Variants in LCOR observed in about 807,000 individuals in gnomAD.
LCOR encodes the protein ligand dependent nuclear receptor corepressor.
Under a neutral mutation model 64.4 loss-of-function variants are expected in LCOR, and 14 were observed. The observed-to-expected ratio is 0.22, with a 90% CI of 0.14 to 0.34. The LOEUF is 0.34. Ranked by LOEUF, LCOR falls within the 10% of genes least tolerant of loss-of-function variation. The pLI is 1.00. For synonymous variants in LCOR, 643 were observed against 642.5 expected (o/e 1.00, Z -0.01); for missense variants, 1,686 against 1,765.3 (o/e 0.96, Z 0.80).
chr10:96,981,242 G>C lies in LCOR; in HGVS notation c.782G>C (p.Ser261Thr). The C allele has an allele frequency of 1.1e-6, 1 of 908,472 alleles. No individual in the cohort carries two copies. The highest frequency in any genetic ancestry group is 1.9e-5 in the Admixed American group (1 of 51,420). 56.3% of individuals were successfully genotyped at this position (908,472 alleles called of 1,614,324 possible). A position where few individuals can be genotyped will look rare whatever the true frequency, so the allele number is the denominator to read the frequency against. Reference sequence around the variant, plus strand: ...ACTAAATCGAATTCTATTAATAGCAGTTCAGTGGATAGTTTCACTCCGGGA... The same window carrying C: ...ACTAAATCGAATTCTATTAATAGCACTTCAGTGGATAGTTTCACTCCGGGA... The part of the protein sequence containing the change: ...PTTKSNSINS[S>T]SVDSFTPGYL... Residue 261 changes from serine to threonine, a missense_variant, in exon 8 of 8, where the codon AGT becomes ACT. Coordinates refer to ENST00000421806, the MANE Select transcript of LCOR (RefSeq NM_001346516.2).
At chr10:96,935,300 C>T (rs1487353790) in intron 4 of LCOR, among the ~76,000 whole-genome samples, 2 of 151,834 alleles carry the variant, frequency 1.3e-5, no homozygotes, top group East Asian at 3.9e-4. Flanking sequence ...AGGTACGTGC[C>T]ACCACCCCTG....
rs781084469 is a variant in LCOR, at chr10:96,982,174, A to G, written c.1714A>G (p.Ile572Val). The change falls in exon 8 of 8, where the codon ATC becomes GTC. Residue 572 changes from isoleucine (I) to valine (V), a missense_variant. Physicochemically the swap from Ile to Val is conservative, Grantham distance 29. Transcript: ENST00000421806. ...EDNPEEPSKE[I>V]TSHEEGGGDV... The stretch of plus-strand genomic sequence containing the variant: ...CAACCCTGAAGAACCTAGCAAGGAA[A>G]TCACCTCTCACGAGGAAGGAGGTGG... The G allele has an allele frequency of 3.7e-6, 6 of 1,614,176 alleles. No homozygotes were observed. The South Asian group carries it at 6.6e-5, about 18-fold the overall frequency.
chr10:96,924,773 C>G (rs1307958895), intron 4 of LCOR, among the ~76,000 whole-genome samples: 5 of 152,164 alleles, frequency 3.3e-5, no homozygotes, highest in Non-Finnish European at 7.3e-5. Flanking sequence ...GACCTCTTTA[C>G]TCTTAAATAT....
intron 7 of LCOR, chr10:96,961,513 C>G (rs149197225): frequency 6.6e-6 from 1 of 152,232 alleles, no homozygotes; most frequent in South Asian, 2.1e-4. Context: ...ATTTGAAGAT[C>G]CATACCTCTT....
In LCOR at chr10:96,984,213, T is replaced by C; in HGVS notation, c.3753T>C (p.Asn1251=). ...KFPGATPAKN[N]WKMQKLWAKF... is the part of the protein sequence containing the mutation. ...CTGGAGCTACCCCTGCTAAGAATAA[T>C]TGGAAAATGCAGAAGCTCTGGGCCA... Residue 1251 remains asparagine, a synonymous_variant, in exon 8 of 8, where the codon AAT becomes AAC. Transcript: ENST00000421806. 4 of 1,613,998 alleles carry C rather than the reference T, an allele frequency of 2.5e-6. No homozygotes were observed. Among genetic ancestry groups the C allele is most frequent in the Non-Finnish European group, 3.4e-6 (4 of 1,179,982 alleles).
chr10:96,862,762 C>A lies in LCOR; in HGVS notation c.-330+29283C>A, dbSNP rs558907954. 3.3e-5 allele frequency among the ~76,000 whole-genome samples: 5 copies of A among 152,282 alleles called. No homozygotes were observed. The East Asian group carries it at 9.6e-4, about 29-fold the overall frequency. ...GTCAACTCATTGGTGTACAAAAAGA[C>A]AACACTTTGTAGTCTCTAAGGATTT... On this transcript the variant is annotated intron_variant, in intron 2 of 7. Transcript: ENST00000421806.
At chr10:96,966,508 G>A (rs546206331) in intron 7 of LCOR, among the ~76,000 whole-genome samples, 2 of 152,204 alleles carry the variant, frequency 1.3e-5, no homozygotes, top group East Asian at 3.9e-4. Flanking sequence ...GATTACAGGC[G>A]TGAGCCACCG....
chr10:96,902,861 G>A (rs1408660504), intron 2 of LCOR, among the ~76,000 whole-genome samples: 2 of 152,156 alleles, frequency 1.3e-5, no homozygotes, highest in East Asian at 3.8e-4. Flanking sequence ...TGCATTATGA[G>A]AAGTGCATCC....
At chr10:96,853,981 C>G (rs993742781) in intron 2 of LCOR, among the ~76,000 whole-genome samples, 1 of 152,060 alleles carries the variant, frequency 6.6e-6, no homozygotes, top group Non-Finnish European at 1.5e-5. Flanking sequence ...CTCCATGATT[C>G]GATTACCTCT....
At chr10:96,895,259 A>G (rs781473549) in intron 2 of LCOR, among the ~76,000 whole-genome samples, 9 of 152,186 alleles carry the variant, frequency 5.9e-5, no homozygotes, top group African/African-American at 9.7e-5. Context: ...TTTACCCTCC[A>G]GTCTTCTCCA....
At chr10:96,867,272 C>T (rs1234971444) in intron 2 of LCOR, among the ~76,000 whole-genome samples, 3 of 152,144 alleles carry the variant, frequency 2.0e-5, no homozygotes, top group East Asian at 1.9e-4. Flanking sequence ...GGATTATGGG[C>T]GTGAGCCACT....
chr10:96,851,228 G>T (rs1204704835), intron 2 of LCOR, among the ~76,000 whole-genome samples: 3 of 152,174 alleles, frequency 2.0e-5, no homozygotes, highest in Non-Finnish European at 4.4e-5. Flanking sequence ...GATAACTGTT[G>T]TCATCCTCCA....
In LCOR at chr10:96,832,305, G is replaced by A; in HGVS notation, c.-498G>A. The A allele has an allele frequency of 1.0e-6, 1 of 982,544 alleles. No homozygotes were observed. Among genetic ancestry groups the A allele is most frequent in the Non-Finnish European group, 1.2e-6 (1 of 828,662 alleles). The allele number at this position is 982,544 out of a possible 1,614,324, so 60.9% of individuals were successfully genotyped here. A position where few individuals can be genotyped will look rare whatever the true frequency, so the allele number is the denominator to read the frequency against. On this transcript the variant is annotated 5_prime_UTR_variant, in exon 1 of 8. An upstream start codon of the reference 5' UTR is lost. Transcript: ENST00000421806. The stretch of plus-strand genomic sequence containing the variant: ...CTGGGCCGGGCGGGCGGCAGAAGAT[G>A]GCGAGGGTGTGTAGGCGGCAGCAAT...
At chr10:96,955,432 A>G in intron 7 of LCOR, 1 of 1,614,200 alleles carries the variant, frequency 6.2e-7, no homozygotes, top group African/African-American at 1.3e-5. Flanking sequence ...CGCACTGGTG[A>G]TCAGTACAGC....
intron 2 of LCOR, among the ~76,000 whole-genome samples, chr10:96,839,546 T>A (rs1472986088): frequency 6.6e-6 from 1 of 152,232 alleles, no homozygotes. Context: ...TTTGAATGAA[T>A]CTGTTCCATT....
chr10:96,934,321 A>C (rs1847311695), intron 4 of LCOR, among the ~76,000 whole-genome samples: 1 of 152,226 alleles, frequency 6.6e-6, no homozygotes, highest in African/African-American at 2.4e-5. Context: ...TCACTGTAAC[A>C]AATGCCTTAA....
chr10:96,936,171 C>T (rs1177375972), intron 4 of LCOR, among the ~76,000 whole-genome samples: 1 of 152,254 alleles, frequency 6.6e-6, no homozygotes, highest in African/African-American at 2.4e-5. Context: ...CAAAGGGGCC[C>T]ACCAGCTTTT....
At chr10:96,845,902 T>C (rs758871528) in intron 2 of LCOR, among the ~76,000 whole-genome samples, 33 of 152,144 alleles carry the variant, frequency 2.2e-4, no homozygotes, top group Non-Finnish European at 3.8e-4. Flanking sequence ...AGAGCTAATA[T>C]GTCTTTTAAA....
At chr10:96,970,871 G>A (rs1403717970) in intron 7 of LCOR, among the ~76,000 whole-genome samples, 6 of 151,626 alleles carry the variant, frequency 4.0e-5, no homozygotes, top group African/African-American at 1.5e-4. Flanking sequence ...CTCCTGCCTC[G>A]GCCTCCCAAA....
Sources: allele counts gnomAD v4.1 joint callset (sites outside exome capture counted in the v4.1 genomes callset), GRCh38; gene constraint gnomAD v4.1.1; transcripts MANE v1.5; gene names NCBI Gene and HGNC (gene_info 2026-07-23, HGNC 2026-07-21).